LYST: variants seen among roughly 807,000 people sequenced by gnomAD.
LYST encodes the protein lysosomal-trafficking regulator.
LYST carries 192 observed loss-of-function variants against 413.6 expected under a neutral mutation model. That is an observed-to-expected ratio of 0.46 (90% CI 0.41 to 0.52). The LOEUF is 0.52. Among genes scored for constraint, LYST ranks in the 20% least tolerant of loss-of-function variants. The pLI is 0.00. For missense variants in LYST, 3,815 were observed against 4,499.9 expected, an observed-to-expected ratio of 0.85 and a Z score of 4.35; for synonymous variants, 1,525 against 1,567.3, an observed-to-expected ratio of 0.97 and a Z score of 0.64.
chr1:235,829,816 T>C, intron 3 of LYST: 1 of 175,090 alleles, frequency 5.7e-6, no homozygotes. Flanking sequence ...AAGAGGTCTC[T>C]GCTTTCACTC....
chr1:235,773,376 C>A (rs890722891), intron 19 of LYST, among the ~76,000 whole-genome samples: 2 of 151,690 alleles, frequency 1.3e-5, no homozygotes, highest in African/African-American at 4.8e-5. Flanking sequence ...CTTCTATTCA[C>A]GGTAGCTAAA....
intron 37 of LYST, 96 bp downstream of exon 37, chr1:235,729,500 C>T: frequency 1.2e-6 from 1 of 830,774 alleles, no homozygotes; most frequent in Non-Finnish European, 2.1e-6. Flanking sequence ...AAAGTTTATC[C>T]AATTTAATGG....
intron 38 of LYST, among the ~76,000 whole-genome samples, chr1:235,725,610 C>T (rs957017098): frequency 6.6e-5 from 10 of 152,066 alleles, no homozygotes; most frequent in East Asian, 1.9e-4. Context: ...TGGAAACGCC[C>T]GAGCTGTGAA....
At position 235,726,496 on chromosome 1, in the gene LYST, CATCT is replaced by C. The variant is rs767727894; in HGVS notation, c.9162+1576_9162+1579del. Reference sequence around the variant, plus strand: ...TCTGCTAAGTGCTCTGCATGAAATACATCTGTATGGGTCAAAAAGGGGGCATGAA... The same window carrying C: ...TCTGCTAAGTGCTCTGCATGAAATACGTATGGGTCAAAAAGGGGGCATGAA... On this transcript the variant is annotated intron_variant, in intron 38 of 52. Transcript: ENST00000389793. 5.5e-3 allele frequency among the ~76,000 whole-genome samples: 841 copies of C among 152,228 alleles called. 3 individuals carry two copies. The highest frequency in any genetic ancestry group is 0.021 in the Middle Eastern group (6 of 292).
At chr1:235,764,970 C>G (rs539826028) in intron 21 of LYST, among the ~76,000 whole-genome samples, 1 of 152,092 alleles carries the variant, frequency 6.6e-6, no homozygotes, top group Non-Finnish European at 1.5e-5. Context: ...ATTCTTCATT[C>G]TTGTCCTACC....
intron 48 of LYST, among the ~76,000 whole-genome samples, chr1:235,684,185 C>T (rs1311474906): frequency 6.6e-6 from 1 of 152,116 alleles, no homozygotes; most frequent in African/African-American, 2.4e-5. Flanking sequence ...TGATCTGCTT[C>T]CTCAAAGCTA....
Position 235,728,796 on chromosome 1 carries a change from C to T in LYST, c.9107-665G>A, listed in dbSNP as rs533665514. On this transcript the variant is annotated intron_variant, in intron 37 of 52. Coordinates refer to ENST00000389793, the MANE Select transcript of LYST (RefSeq NM_000081.4). ...AAGGGTACTATCTCCATCCTTGTGA[C>T]GGTGGGGCTCAGTCCCAGCAGGCTT... Among the ~76,000 whole-genome samples, 15 of 152,260 alleles carry T rather than the reference C, an allele frequency of 9.9e-5. No homozygotes were observed. In the South Asian group the frequency reaches 2.3e-3, roughly 23 times the overall value.
upstream of LYST, among the ~76,000 whole-genome samples, chr1:235,870,057 G>A (rs148159075): frequency 2.0e-5 from 3 of 151,968 alleles, no homozygotes; most frequent in African/African-American, 7.3e-5. Context: ...AGGCAAGAGG[G>A]GCCTCTGCCC....
chr1:235,813,796 A>G (rs999979833), intron 3 of LYST, among the ~76,000 whole-genome samples: 8 of 152,214 alleles, frequency 5.3e-5, no homozygotes, highest in Non-Finnish European at 7.3e-5. Context: ...AATGGGAGCT[A>G]GAGAGCTAGA....
At chr1:235,718,773 T>A (rs1372682116) in intron 40 of LYST, among the ~76,000 whole-genome samples, 2 of 152,230 alleles carry the variant, frequency 1.3e-5, no homozygotes, top group Non-Finnish European at 2.9e-5. Context: ...AAAGGCAGAA[T>A]AAATGCTGAA....
In LYST at chr1:235,787,373, A is replaced by C; in HGVS notation, c.4689T>G (p.Arg1563=). Residue 1563 remains arginine (R), a splice_region_variant and synonymous_variant, in exon 14 of 53, where the codon CGT becomes CGG. Coordinates refer to ENST00000389793, the MANE Select transcript of LYST (RefSeq NM_000081.4). ...TGTCATCATTTGAATCCATGCACAC[A>C]CTACAGAAAAAGAGAAAAGGCATAG... ...ADPHNATLIF[R]VCMDSNDDMK... is the part of the protein sequence containing the mutation. 3.1e-6 allele frequency: 5 copies of C among 1,613,392 alleles called. No individual in the cohort carries two copies. The highest frequency in any genetic ancestry group is 4.2e-6 in the Non-Finnish European group (5 of 1,179,490).
At chr1:235,793,991 C>T (rs1167196625) in intron 10 of LYST, among the ~76,000 whole-genome samples, 1 of 151,988 alleles carries the variant, frequency 6.6e-6, no homozygotes, top group Non-Finnish European at 1.5e-5. Context: ...TGTCACCATG[C>T]CCAGGTAATT....
In LYST at chr1:235,806,318, T is replaced by C; in HGVS notation, c.2818A>G (p.Met940Val). 6.2e-7 allele frequency: 1 copy of C among 1,614,048 alleles called. No individual in the cohort carries two copies. Among genetic ancestry groups the C allele is most frequent in the Non-Finnish European group, 8.5e-7 (1 of 1,179,974 alleles). ...CTCTCGAGAGATATACATGGCAGCA[T>C]ATGACTTAAAGGCTCGCTGGCTGTG... ...DSTASEPLSH[M>V]LPCISLESLV... Residue 940 changes from methionine to valine, a missense_variant, in exon 6 of 53, where the codon ATG (methionine) becomes GTG (valine). By Grantham distance (21) the Met-to-Val change is conservative (BLOSUM62 1). This residue lies in a region of LYST where 1,648 missense variants were observed against 1,810.3 expected (regional missense o/e 0.91). Coordinates refer to ENST00000389793, the MANE Select transcript of LYST (RefSeq NM_000081.4).
intron 48 of LYST, among the ~76,000 whole-genome samples, chr1:235,681,775 A>C (rs142810791): frequency 6.6e-6 from 1 of 152,044 alleles, no homozygotes; most frequent in African/African-American, 2.4e-5. Flanking sequence ...TCCTGTAACT[A>C]CTCATCACAT....
At chr1:235,819,700 C>A (rs1674546608) in intron 3 of LYST, among the ~76,000 whole-genome samples, 1 of 152,206 alleles carries the variant, frequency 6.6e-6, no homozygotes, top group African/African-American at 2.4e-5. Context: ...AGCTGGAGTG[C>A]AGTGGCGTGA....
intron 48 of LYST, among the ~76,000 whole-genome samples, chr1:235,685,429 T>G (rs1475437376): frequency 6.6e-6 from 1 of 152,236 alleles, no homozygotes. Flanking sequence ...ATATAACTCC[T>G]GTTTATACCA....
At chr1:235,862,875 T>C (rs1337097397) in intron 1 of LYST, among the ~76,000 whole-genome samples, 1 of 148,984 alleles carries the variant, frequency 6.7e-6, no homozygotes, top group Non-Finnish European at 1.5e-5. Flanking sequence ...GAGACTACCA[T>C]AAAACCAACC....
chr1:235,787,121 G>C, intron 14 of LYST, 79 bp downstream of exon 14: 1 of 1,108,866 alleles, frequency 9.0e-7, no homozygotes, highest in South Asian at 1.3e-5. Flanking sequence ...TCTGTATTCT[G>C]TTTCAGAAGC....
intron 5 of LYST, 53 bp downstream of exon 5, chr1:235,808,402 T>A (rs1673094042): frequency 1.9e-6 from 3 of 1,557,204 alleles, no homozygotes; most frequent in Non-Finnish European, 2.6e-6. Flanking sequence ...ATGAAAAAGA[T>A]CTAGACATGC....
Sources: allele counts gnomAD v4.1 joint callset (sites outside exome capture counted in the v4.1 genomes callset), GRCh38; gene constraint gnomAD v4.1.1; regional missense constraint gnomAD v4.1.1; transcripts MANE v1.5; gene names NCBI Gene and HGNC (gene_info 2026-07-23, HGNC 2026-07-21).